Variants in GPR158 observed in about 807,000 individuals in gnomAD.
GPR158 encodes G protein-coupled receptor 158, also known as metabotropic glycine receptor.
GPR158 carries 30 observed loss-of-function variants against 78.2 expected under a neutral mutation model. The ratio of observed to expected loss-of-function variants is 0.38; its 90% CI spans 0.29 to 0.52. GPR158 has a LOEUF of 0.52. Among genes scored for constraint, GPR158 ranks in the 20% least tolerant of loss-of-function variants. The pLI is 0.83. For synonymous variants in GPR158, 581 were observed against 591.1 expected (o/e 0.98, Z 0.25); for missense variants, 1,463 against 1,523.5 (o/e 0.96, Z 0.66).
In GPR158 at chr10:25,340,382, G is replaced by C. The variant is rs1294498323; in HGVS notation, c.1009-55529G>C. ...ATGAGCAGGTGCATGTATTTTGGGA[G>C]GATACTCAGGAAATAAATATTCCTG... On this transcript the variant is annotated intron_variant, in intron 2 of 10. Transcript: ENST00000376351. Among the ~76,000 whole-genome samples the C allele has an allele frequency of 2.0e-5, 3 of 152,146 alleles. No individual in the cohort carries two copies. The South Asian group carries it at 6.2e-4, about 31-fold the overall frequency.
chr10:25,326,715 G>A (rs1472021545), intron 2 of GPR158, among the ~76,000 whole-genome samples: 1 of 152,132 alleles, frequency 6.6e-6, no homozygotes, highest in Non-Finnish European at 1.5e-5. Flanking sequence ...ATAACGTGTT[G>A]TATACTTGAA....
chr10:25,448,686 C>T (rs1017867674), intron 4 of GPR158, among the ~76,000 whole-genome samples: 33 of 152,174 alleles, frequency 2.2e-4, no homozygotes, highest in African/African-American at 7.7e-4. Flanking sequence ...TAAAAAGCCA[C>T]AAGACCATTT....
intron 2 of GPR158, among the ~76,000 whole-genome samples, chr10:25,372,183 G>A (rs1257452826): frequency 2.6e-5 from 4 of 151,984 alleles, no homozygotes; most frequent in South Asian, 2.1e-4. Context: ...GGTTAGAATG[G>A]CAATCATTAA....
intron 5 of GPR158, among the ~76,000 whole-genome samples, chr10:25,486,688 G>A (rs1588884034): frequency 6.6e-6 from 1 of 152,256 alleles, no homozygotes; most frequent in South Asian, 2.1e-4. Context: ...GGATGCTGAT[G>A]CTGTTGGTCC....
At chr10:25,432,805 C>A (rs893883060) in intron 4 of GPR158, among the ~76,000 whole-genome samples, 3 of 152,146 alleles carry the variant, frequency 2.0e-5, no homozygotes, top group East Asian at 1.9e-4. Flanking sequence ...TGCTGAACAT[C>A]TCCTCATTGC....
intron 2 of GPR158, among the ~76,000 whole-genome samples, chr10:25,321,535 T>C (rs1854947660): frequency 6.6e-6 from 1 of 152,208 alleles, no homozygotes; most frequent in Admixed American, 6.5e-5. Flanking sequence ...TACTTAGATG[T>C]TTTTGGTATA....
chr10:25,293,886 T>C (rs551887777), intron 2 of GPR158, among the ~76,000 whole-genome samples: 1 of 151,966 alleles, frequency 6.6e-6, no homozygotes, highest in African/African-American at 2.4e-5. Flanking sequence ...GTTGGGATTA[T>C]AGGCACCCAC....
chr10:25,402,289 A>C lies in GPR158; in HGVS notation c.1111+6276A>C, dbSNP rs1465481823. ...AATCTCAAAGTCGAAAAGAACAAAG[A>C]AATGCTGAGAAACTGTTTCAAATCA... On this transcript the variant is annotated intron_variant, in intron 3 of 10. Transcript: ENST00000376351. Among the ~76,000 whole-genome samples, 8 of 152,152 alleles carry C rather than the reference A, an allele frequency of 5.3e-5. No individual in the cohort carries two copies. In the East Asian group the frequency reaches 1.2e-3, roughly 22 times the overall value.
rs906195306 is a variant in GPR158, at chr10:25,270,212, GA to G, written c.1008+49060del. Among the ~76,000 whole-genome samples the G allele has an allele frequency of 2.3e-4, 35 of 152,222 alleles. No homozygotes were observed. In the Middle Eastern group the frequency reaches 0.01, roughly 44 times the overall value. On this transcript the variant is annotated intron_variant, in intron 2 of 10. Transcript: ENST00000376351. ...ATTATTACACATTTAGTATCAAGGG[GA>G]AAAATTGCTATTTAAAACCATATGA...
rs570322546 is a variant in GPR158 at position 25,535,368 on chromosome 10, C to T, written c.1405-15608C>T. ...CTCTTGCTGGCTTTGATGAAGCATG[C>T]GCCATATTGGAGTGGCCCACATGGC... On this transcript the variant is annotated intron_variant, in intron 5 of 10. Transcript: ENST00000376351. Among the ~76,000 whole-genome samples the T allele has an allele frequency of 3.7e-4, 57 of 152,120 alleles. No individual in the cohort carries two copies. The South Asian group carries it at 4.1e-3, about 11-fold the overall frequency.
At chr10:25,491,188 G>A (rs113921752) in intron 5 of GPR158, among the ~76,000 whole-genome samples, 41 of 152,228 alleles carry the variant, frequency 2.7e-4, no homozygotes, top group African/African-American at 9.9e-4. Flanking sequence ...CTTTGTAAAA[G>A]AGTCAATTAT....
At chr10:25,193,862 G>A (rs1259085988) in intron 1 of GPR158, among the ~76,000 whole-genome samples, 1 of 137,638 alleles carries the variant, frequency 7.3e-6, no homozygotes, top group African/African-American at 2.8e-5. Context: ...TGAATAAACT[G>A]AAATATTTGA....
In GPR158 at chr10:25,219,500, G is replaced by T. The variant is rs147519668; in HGVS notation, c.903-1552G>T. Among the ~76,000 whole-genome samples, 70 of 152,282 alleles carry T rather than the reference G, an allele frequency of 4.6e-4. No individual in the cohort carries two copies. In the South Asian group the frequency reaches 0.014, roughly 30 times the overall value. On this transcript the variant is annotated intron_variant, in intron 1 of 10. Transcript: ENST00000376351. ...GGGTCTATATATCTGAATGATCAGC[G>T]TGTTTTCTGTAATTTTTGTGTTTTC...
chr10:25,354,434 G>GA (rs547728629), intron 2 of GPR158, among the ~76,000 whole-genome samples: 216 of 151,276 alleles, frequency 1.4e-3, no homozygotes, highest in African/African-American at 4.9e-3. Flanking sequence ...AGAAAAAAAT[G>GA]AAAAAAACTC....
At chr10:25,335,689 G>A (rs9665345) in intron 2 of GPR158, among the ~76,000 whole-genome samples, 22,310 of 151,914 alleles carry the variant, frequency 0.15, 3,155 homozygotes, top group African/African-American at 0.37. Flanking sequence ...AACAATTTTA[G>A]CATTTTGTTT....
At chr10:25,481,769 A>G (rs1024589567) in intron 5 of GPR158, among the ~76,000 whole-genome samples, 4 of 152,154 alleles carry the variant, frequency 2.6e-5, no homozygotes, top group Non-Finnish European at 4.4e-5. Context: ...ACTTCTCCAT[A>G]TCCACACCAA....
At chr10:25,391,921 G>A (rs1349103536) in intron 2 of GPR158, among the ~76,000 whole-genome samples, 1 of 152,034 alleles carries the variant, frequency 6.6e-6, no homozygotes, top group African/African-American at 2.4e-5. Flanking sequence ...TTGAATCATG[G>A]GGGTGAGTTT....
At chr10:25,284,935 C>G (rs1854327454) in intron 2 of GPR158, among the ~76,000 whole-genome samples, 1 of 151,918 alleles carries the variant, frequency 6.6e-6, no homozygotes, top group South Asian at 2.1e-4. Flanking sequence ...TGTTATTTTA[C>G]TTTCCTATAT....
At chr10:25,496,162 C>T (rs1416185813) in intron 5 of GPR158, among the ~76,000 whole-genome samples, 3 of 152,152 alleles carry the variant, frequency 2.0e-5, no homozygotes, top group African/African-American at 7.2e-5. Context: ...TCCCCGCTCC[C>T]CCAACCATGT....
Sources: gnomAD v4.1 joint callset for allele counts (sites outside exome capture counted in the v4.1 genomes callset) on GRCh38, gnomAD v4.1.1 for gene constraint, MANE v1.5 for transcripts, NCBI Gene and HGNC (gene_info 2026-07-23, HGNC 2026-07-21) for gene names.